The following EEPD1 variants were observed in gnomAD, a reference collection of about 807,000 sequenced individuals.
EEPD1 encodes endonuclease/exonuclease/phosphatase family domain containing 1, also known as endonuclease/exonuclease/phosphatase family domain-containing protein 1.
EEPD1 carries 17 observed loss-of-function variants against 46.3 expected under a neutral mutation model. The ratio of observed to expected loss-of-function variants is 0.37; its 90% CI spans 0.25 to 0.55. The LOEUF (loss-of-function observed/expected upper bound fraction) is 0.55. Ranked by LOEUF, EEPD1 falls within the 20% of genes least tolerant of loss-of-function variation. The probability of loss-of-function intolerance (pLI) is 0.83; values close to 1 mark genes in which losing one functional copy is unlikely to be tolerated. For missense variants in EEPD1, 673 were observed against 745.6 expected (o/e 0.90, Z 1.13); for synonymous variants, 313 against 315.6 (o/e 0.99, Z 0.09).
chr7:36,169,929 G>A (rs1785047148), intron 2 of EEPD1, among the ~76,000 whole-genome samples: 1 of 152,180 alleles, frequency 6.6e-6, no homozygotes, highest in Non-Finnish European at 1.5e-5. Context: ...AAATATAATG[G>A]ATAGTATGCC....
intron 2 of EEPD1, among the ~76,000 whole-genome samples, chr7:36,236,930 C>A (rs1219962623): frequency 6.6e-6 from 1 of 152,192 alleles, no homozygotes; most frequent in Admixed American, 6.5e-5. Flanking sequence ...AGGGGCAACC[C>A]GCTCGCCTAC....
chr7:36,231,390 T>G lies in EEPD1; in HGVS notation c.879-7595T>G, dbSNP rs144855335. 5.6e-4 allele frequency among the ~76,000 whole-genome samples: 85 copies of G among 152,344 alleles called. 1 individual carries two copies. In the East Asian group the frequency reaches 0.011, roughly 20 times the overall value. ...CAGCTGCTTTTGTGTGATTTGCCAC[T>G]CTTCTCAAAGTAGGGTACAGAAAAA... is the stretch of plus-strand genomic sequence containing the variant. On this transcript the variant is annotated intron_variant, in intron 2 of 7. Coordinates refer to ENST00000242108, the MANE Select transcript of EEPD1 (RefSeq NM_030636.3).
At position 36,297,019 on chromosome 7, in the gene EEPD1, G is replaced by A. The variant is rs765235830; in HGVS notation, c.1342G>A (p.Asp448Asn). 2.5e-6 allele frequency: 4 copies of A among 1,614,104 alleles called. No individual in the cohort carries two copies. The South Asian group carries it at 3.3e-5, about 13-fold the overall frequency. Residue 448 changes from aspartate to asparagine, a missense_variant, in exon 7 of 8, where the codon GAT (aspartate) becomes AAT (asparagine). Physicochemically the swap from Asp to Asn is conservative, Grantham distance 23. Transcript: ENST00000242108. ...KGEKDVIILG[D>N]FGQGPDSNDY... Reference sequence around the variant, plus strand: ...AGAAAAGGATGTCATTATCTTAGGGGATTTTGGCCAAGGGCCAGACAGCAA... The same window carrying A: ...AGAAAAGGATGTCATTATCTTAGGGAATTTTGGCCAAGGGCCAGACAGCAA...
chr7:36,156,108 A>G (rs950001397), intron 2 of EEPD1, among the ~76,000 whole-genome samples: 6 of 152,142 alleles, frequency 3.9e-5, no homozygotes, highest in Admixed American at 2.6e-4. Context: ...TTGCCCTGCC[A>G]CCCACCAGGG....
rs1239707402 is a variant in EEPD1 at position 36,154,899 on chromosome 7, G to T, written c.575G>T (p.Arg192Leu). Residue 192 changes from arginine (R) to leucine (L), a missense_variant, in exon 2 of 8, where the codon CGG becomes CTG. Coordinates refer to ENST00000242108, the MANE Select transcript of EEPD1 (RefSeq NM_030636.3). The surrounding 1 kb of genome is among the most constrained non-coding windows in gnomAD (Gnocchi z 4.2). The stretch of plus-strand genomic sequence containing the variant: ...AATGCCGCCTTCCTGGACAGGATCC[G>T]GCACCAGGTGTTTGCTGAGAGGTCC... The part of the protein sequence containing the change: ...GINAAFLDRI[R>L]HQVFAERSRP... 6.2e-7 allele frequency: 1 copy of T among 1,614,082 alleles called. No homozygotes were observed. Among genetic ancestry groups the T allele is most frequent in the Non-Finnish European group, 8.5e-7 (1 of 1,180,032 alleles).
chr7:36,253,035 G>A (rs1417807093), intron 3 of EEPD1, among the ~76,000 whole-genome samples: 3 of 151,136 alleles, frequency 2.0e-5, no homozygotes, highest in African/African-American at 7.3e-5. Context: ...TTTGCCCAGT[G>A]TCTTAAGGTG....
At chr7:36,160,603 G>A (rs1470163259) in intron 2 of EEPD1, among the ~76,000 whole-genome samples, 1 of 149,992 alleles carries the variant, frequency 6.7e-6, no homozygotes, top group Non-Finnish European at 1.5e-5. Context: ...ACAGCAGGAG[G>A]AGGCCACAGA....
At chr7:36,167,862 G>A (rs1262981733) in intron 2 of EEPD1, among the ~76,000 whole-genome samples, 1 of 152,018 alleles carries the variant, frequency 6.6e-6, no homozygotes, top group African/African-American at 2.4e-5. Context: ...ATACAGGCAC[G>A]CGCCACCACG....
intron 2 of EEPD1, among the ~76,000 whole-genome samples, chr7:36,173,770 G>A (rs1785129603): frequency 6.6e-6 from 1 of 152,234 alleles, no homozygotes; most frequent in Admixed American, 6.5e-5. Flanking sequence ...TGGCTTGAGA[G>A]AGTTTTTTCT....
rs148018632 is a variant in EEPD1 at position 36,281,138 on chromosome 7, G to T, written c.954G>T (p.Pro318=). ...LEKFCTELNQ[P]TLPNIRKWKG... ...AGTTCTGCACGGAGCTAAACCAGCC[G>T]ACCCTGCCCAACATCCGCAAGTGGA... Residue 318 remains proline (P), a synonymous_variant, in exon 4 of 8, where the codon CCG becomes CCT. Transcript: ENST00000242108. The T allele has an allele frequency of 1.9e-6, 3 of 1,614,108 alleles. No homozygotes were observed. In the South Asian group the frequency reaches 3.3e-5, roughly 18 times the overall value.
chr7:36,173,995 G>A (rs941229531), intron 2 of EEPD1, among the ~76,000 whole-genome samples: 8 of 152,174 alleles, frequency 5.3e-5, no homozygotes, highest in Non-Finnish European at 1.2e-4. Context: ...CAAAAGCTGA[G>A]GGACTATGAA....
Position 36,197,596 on chromosome 7 carries a change from A to G in EEPD1, c.879-41389A>G, listed in dbSNP as rs540514801. ...AAAAATTCTTCTGCCTTGGGATCCT[A>G]TTGATCTATGACTTTACCCCCAACC... On this transcript the variant is annotated intron_variant, in intron 2 of 7. Coordinates refer to ENST00000242108, the MANE Select transcript of EEPD1 (RefSeq NM_030636.3). 1.9e-4 allele frequency among the ~76,000 whole-genome samples: 29 copies of G among 152,320 alleles called. No homozygotes were observed. The East Asian group carries it at 4.6e-3, about 24-fold the overall frequency.
chr7:36,198,337 G>GAAAAGAAAAAAAAAAAA (rs1554313386), intron 2 of EEPD1, among the ~76,000 whole-genome samples: 3,147 of 17,814 alleles, frequency 0.18, 64 homozygotes, highest in Non-Finnish European at 0.23. Flanking sequence ...AAAAAAAAAA[G>GAAAAGAAAAAAAAAAAA]AAAAGAAAAA....
intron 4 of EEPD1, among the ~76,000 whole-genome samples, chr7:36,281,747 G>T (rs1562711725): frequency 6.6e-6 from 1 of 152,046 alleles, no homozygotes; most frequent in Non-Finnish European, 1.5e-5. Flanking sequence ...GTAAATACAC[G>T]TTTTCCCTCA....
intron 2 of EEPD1, among the ~76,000 whole-genome samples, chr7:36,156,093 G>A (rs1784820840): frequency 6.6e-6 from 1 of 152,150 alleles, no homozygotes; most frequent in African/African-American, 2.4e-5. Flanking sequence ...TGGACTTGAG[G>A]CGTTTTGCCC....
intron 6 of EEPD1, among the ~76,000 whole-genome samples, chr7:36,294,242 T>A (rs1740762444): frequency 6.6e-6 from 1 of 152,154 alleles, no homozygotes. Flanking sequence ...TTCAATATCA[T>A]GAGAATATAT....
At chr7:36,169,558 G>A (rs894354525) in intron 2 of EEPD1, among the ~76,000 whole-genome samples, 1 of 152,194 alleles carries the variant, frequency 6.6e-6, no homozygotes, top group African/African-American at 2.4e-5. Context: ...ATTCAGATCT[G>A]TGTGGGTCAT....
At chr7:36,185,363 T>C (rs1785346925) in intron 2 of EEPD1, among the ~76,000 whole-genome samples, 2 of 152,360 alleles carry the variant, frequency 1.3e-5, no homozygotes, top group South Asian at 4.1e-4. Context: ...TCTATTCCAT[T>C]GTGTGGGTAT....
At chr7:36,237,956 GA>G (rs1786487721) in intron 2 of EEPD1, among the ~76,000 whole-genome samples, 1 of 151,852 alleles carries the variant, frequency 6.6e-6, no homozygotes. Flanking sequence ...CTCAAAAAAA[GA>G]AAAAAGAATG....
Sources: gnomAD v4.1 joint callset for allele counts (sites outside exome capture counted in the v4.1 genomes callset) on GRCh38, gnomAD v4.1.1 for gene constraint, Gnocchi (gnomAD v3.1) non-coding constraint, MANE v1.5 for transcripts, NCBI Gene and HGNC (gene_info 2026-07-23, HGNC 2026-07-21) for gene names.